Variants in UFSP2 observed in about 807,000 individuals in gnomAD.
The protein encoded by UFSP2 is UFM1 specific peptidase 2.
UFSP2 carries 43 observed loss-of-function variants against 60.2 expected under a neutral mutation model. The ratio of observed to expected loss-of-function variants is 0.71; its 90% CI spans 0.56 to 0.92. The LOEUF (loss-of-function observed/expected upper bound fraction) is 0.92. Among genes scored for constraint, UFSP2 ranks in the 40% least tolerant of loss-of-function variants. UFSP2 has a pLI of 0.00. For synonymous variants in UFSP2, 183 were observed against 195.1 expected, an observed-to-expected ratio of 0.94 and a Z score of 0.52; for missense variants, 520 against 575.0, an observed-to-expected ratio of 0.90 and a Z score of 0.98.
At chr4:185,419,562 G>GCTTC (rs1261280950) in intron 2 of UFSP2, among the ~76,000 whole-genome samples, 1 of 152,150 alleles carries the variant, frequency 6.6e-6, no homozygotes, top group East Asian at 1.9e-4. Context: ...CTCTCATCCA[G>GCTTC]CTTCCTTTGC....
At chr4:185,425,704 C>G (rs2095558654) in intron 1 of UFSP2, among the ~76,000 whole-genome samples, 162 bp downstream of exon 1, 1 of 152,132 alleles carries the variant, frequency 6.6e-6, no homozygotes, top group Admixed American at 6.5e-5. Flanking sequence ...CGGCCCAGCG[C>G]GGAGACAGGC....
intron 1 of UFSP2, 23 bp downstream of exon 1, chr4:185,425,843 C>G: frequency 6.2e-7 from 1 of 1,601,888 alleles, no homozygotes; most frequent in East Asian, 2.3e-5. Context: ...ACACAGGGGT[C>G]GGTGACGAGC....
intron 9 of UFSP2, among the ~76,000 whole-genome samples, chr4:185,406,357 A>C (rs1019503644): frequency 6.6e-6 from 1 of 152,200 alleles, no homozygotes; most frequent in Admixed American, 6.5e-5. Flanking sequence ...GAAAACTGCA[A>C]AATGTTTTCA....
At chr4:185,423,950 C>T (rs574949314) in intron 1 of UFSP2, among the ~76,000 whole-genome samples, 2 of 152,256 alleles carry the variant, frequency 1.3e-5, no homozygotes, top group African/African-American at 2.4e-5. Context: ...ATAGTACACA[C>T]TAAGACCCCT....
rs11132303 is a variant in UFSP2 at position 185,425,919 on chromosome 4, G to C, written c.-51C>G. 1,132,622 of 1,570,752 alleles carry C rather than the reference G, an allele frequency of 0.72. 416,958 individuals are homozygous for C. Among genetic ancestry groups the C allele is most frequent in the East Asian group, 0.89 (37,871 of 42,484 alleles). ...CGCTGACGCCTGCCCAAAAGTTCCG[G>C]GGGCCGGCCCTGAAGTGGTGTCACC... On this transcript the variant is annotated 5_prime_UTR_variant, in exon 1 of 12. Transcript: ENST00000264689.
chr4:185,403,622 TAGA>T lies in UFSP2; in HGVS notation c.1199-7_1199-5del. ...GTGTGGGCCAAAACTCCTCCCCCTA[TAGA>T]AGAAAAAATAGGAAATACGAATGAA... On this transcript the variant is annotated splice_polypyrimidine_tract_variant and splice_region_variant and intron_variant, in intron 10 of 11. Coordinates refer to ENST00000264689, the MANE Select transcript of UFSP2 (RefSeq NM_018359.5). 6.3e-7 allele frequency: 1 copy of T among 1,597,390 alleles called. No homozygotes were observed. The highest frequency in any genetic ancestry group is 1.4e-5 in the African/African-American group (1 of 73,622).
intron 10 of UFSP2, among the ~76,000 whole-genome samples, chr4:185,404,539 G>A (rs1419282051): frequency 3.3e-5 from 5 of 151,564 alleles, no homozygotes; most frequent in African/African-American, 7.3e-5. Flanking sequence ...CCTCGTGATC[G>A]ACCCACCTTG....
intron 11 of UFSP2, 147 bp from the exon 12 acceptor site, chr4:185,400,625 A>C (rs1580045086): frequency 3.9e-6 from 2 of 518,622 alleles, no homozygotes; most frequent in East Asian, 6.2e-5. Flanking sequence ...CTACTAGCAT[A>C]GAAAAGTAAC....
chr4:185,422,378 T>C (rs998440500), intron 2 of UFSP2, 107 bp downstream of exon 2: 1 of 822,938 alleles, frequency 1.2e-6, no homozygotes, highest in East Asian at 2.7e-5. Context: ...AACAATATAA[T>C]CTTAGTTCAT....
intron 1 of UFSP2, among the ~76,000 whole-genome samples, chr4:185,425,272 G>A (rs1446908467): frequency 6.6e-6 from 1 of 152,072 alleles, no homozygotes; most frequent in Non-Finnish European, 1.5e-5. Context: ...TGTGGGCTGT[G>A]GGGAAGTGGA....
intron 2 of UFSP2, among the ~76,000 whole-genome samples, chr4:185,419,923 G>A (rs1015677543): frequency 6.6e-5 from 10 of 152,166 alleles, no homozygotes; most frequent in African/African-American, 1.9e-4. Flanking sequence ...TCTCTTGGGT[G>A]ATCACCTAGA....
In UFSP2 at chr4:185,411,901, G is replaced by C. The variant is rs187806627; in HGVS notation, c.831+1825C>G. On this transcript the variant is annotated intron_variant, in intron 7 of 11. Coordinates refer to ENST00000264689, the MANE Select transcript of UFSP2 (RefSeq NM_018359.5). Reference sequence around the variant, plus strand: ...AATGATACCATATTTATAAAACTCAGAACTATGCAATACTAAAAGCGACAT... The same window carrying C: ...AATGATACCATATTTATAAAACTCACAACTATGCAATACTAAAAGCGACAT... Among the ~76,000 whole-genome samples, 10 of 152,266 alleles carry C rather than the reference G, an allele frequency of 6.6e-5. No individual in the cohort carries two copies. In the South Asian group the frequency reaches 1.2e-3, roughly 19 times the overall value.
At position 185,425,902 on chromosome 4, in the gene UFSP2, C is replaced by A. The variant is rs763294128; in HGVS notation, c.-34G>T. ...CGTGGCGGTGACACGGGCGCTGACG[C>A]CTGCCCAAAAGTTCCGGGGGCCGGC... On this transcript the variant is annotated 5_prime_UTR_variant, in exon 1 of 12. Coordinates refer to ENST00000264689, the MANE Select transcript of UFSP2 (RefSeq NM_018359.5). 1 of 1,585,746 alleles carries A rather than the reference C, an allele frequency of 6.3e-7. No homozygotes were observed. Among genetic ancestry groups the A allele is most frequent in the Non-Finnish European group, 8.6e-7 (1 of 1,166,370 alleles).
At chr4:185,419,441 T>A (rs1324351837) in intron 2 of UFSP2, among the ~76,000 whole-genome samples, 2 of 152,210 alleles carry the variant, frequency 1.3e-5, no homozygotes, top group East Asian at 3.8e-4. Context: ...TCCTACATCT[T>A]TTCTAATTTG....
intron 9 of UFSP2, among the ~76,000 whole-genome samples, chr4:185,406,481 C>CCT (rs547151621): frequency 1.6e-3 from 236 of 152,116 alleles, no homozygotes; most frequent in African/African-American, 5.4e-3. Context: ...TGGTGCTAAA[C>CCT]CTTAGCTCTT....
chr4:185,414,308 T>A (rs557099009), intron 6 of UFSP2, among the ~76,000 whole-genome samples: 1 of 152,194 alleles, frequency 6.6e-6, no homozygotes, highest in African/African-American at 2.4e-5. Context: ...TAAGTGGTAG[T>A]GATTAAACTA....
intron 11 of UFSP2, among the ~76,000 whole-genome samples, chr4:185,403,162 T>G (rs2095515233): frequency 6.6e-6 from 1 of 152,250 alleles, no homozygotes; most frequent in South Asian, 2.1e-4. Context: ...GTTTATATAT[T>G]CTGCTCATCT....
rs769742158 is a variant in UFSP2, at chr4:185,413,840, G to C, written c.717C>G (p.Asp239Glu). 2 of 1,610,900 alleles carry C rather than the reference G, an allele frequency of 1.2e-6. No individual in the cohort carries two copies. Among genetic ancestry groups the C allele is most frequent in the East Asian group, 4.5e-5 (2 of 44,700 alleles). ...CATTAGACCTTTTGAAATAGGGTCT[G>C]TCGTGAGGCAGATTGAAAAGATCAT... The part of the protein sequence containing the change: ...ELHDLFNLPH[D>E]RPYFKRSNAY... The change falls in exon 7 of 12, where the codon GAC becomes GAG. Residue 239 changes from aspartate to glutamate, a missense_variant. Physicochemically the swap from Asp to Glu is conservative, Grantham distance 45 (BLOSUM62 2). Transcript: ENST00000264689.
At chr4:185,422,991 T>A (rs2095552298) in intron 1 of UFSP2, among the ~76,000 whole-genome samples, 1 of 152,210 alleles carries the variant, frequency 6.6e-6, no homozygotes, top group Non-Finnish European at 1.5e-5. Context: ...CCCATGTAGC[T>A]GAGATTACAG....
Sources: gnomAD v4.1 joint callset for allele counts (sites outside exome capture counted in the v4.1 genomes callset) on GRCh38, gnomAD v4.1.1 for gene constraint, MANE v1.5 for transcripts, NCBI Gene and HGNC (gene_info 2026-07-23, HGNC 2026-07-21) for gene names.